The following PROSER2 variants were observed in gnomAD, a reference collection of about 807,000 sequenced individuals.
PROSER2 encodes the protein proline and serine-rich protein 2.
PROSER2 carries 18 observed loss-of-function variants against 14.6 expected under a neutral mutation model. The observed-to-expected ratio is 1.23, with a 90% CI of 0.85 to 1.83. The LOEUF is 1.83. Among genes scored for constraint, PROSER2 ranks in the 40% most tolerant of loss-of-function variants. The pLI is 0.00. For synonymous variants in PROSER2, 367 were observed against 286.4 expected (o/e 1.28, Z -2.84); for missense variants, 823 against 629.8 (o/e 1.31, Z -3.28).
At chr10:11,854,159 A>C (rs909127385) in intron 2 of PROSER2, among the ~76,000 whole-genome samples, 3 of 152,178 alleles carry the variant, frequency 2.0e-5, no homozygotes, top group Middle Eastern at 3.2e-3. Context: ...CCTTCCCCTC[A>C]GGCCTGTTAA....
At chr10:11,834,545 G>T (rs1321452760) in intron 1 of PROSER2, among the ~76,000 whole-genome samples, 1 of 151,764 alleles carries the variant, frequency 6.6e-6, no homozygotes, top group African/African-American at 2.4e-5. Flanking sequence ...GACAAGCCTG[G>T]CCAACCTGGT....
intron 1 of PROSER2, among the ~76,000 whole-genome samples, chr10:11,825,523 C>T (rs1833599462): frequency 6.6e-6 from 1 of 152,208 alleles, no homozygotes; most frequent in Non-Finnish European, 1.5e-5. Flanking sequence ...CTCCTGGCCA[C>T]CATAGGAAAG....
chr10:11,870,563 C>G lies in PROSER2; in HGVS notation c.*157C>G, dbSNP rs1042387545. 11 of 594,408 alleles carry G rather than the reference C, an allele frequency of 1.9e-5. No individual in the cohort carries two copies. The highest frequency in any genetic ancestry group is 2.7e-5 in the Non-Finnish European group (10 of 365,402). 36.8% of individuals were successfully genotyped at this position (594,408 alleles called of 1,614,324 possible). ...GAGTCTAGAGGTGCCTGGCTGGGGC[C>G]TCCTGGCTGAGCACGCACCGCAAGC... On this transcript the variant is annotated 3_prime_UTR_variant, in exon 4 of 4. Transcript: ENST00000277570.
chr10:11,868,053 A>T (rs1441488556), intron 3 of PROSER2, among the ~76,000 whole-genome samples: 1 of 152,252 alleles, frequency 6.6e-6, no homozygotes, highest in Non-Finnish European at 1.5e-5. Context: ...ACGGTTATGG[A>T]TTCCATGTAA....
chr10:11,856,324 G>A lies in PROSER2; in HGVS notation c.138+4109G>A, dbSNP rs887076063. Among the ~76,000 whole-genome samples, 1 of 152,182 alleles carries A rather than the reference G, an allele frequency of 6.6e-6. No individual in the cohort carries two copies. The highest frequency in any genetic ancestry group is 2.4e-5 in the African/African-American group (1 of 41,438). On this transcript the variant is annotated intron_variant, in intron 2 of 3. Transcript: ENST00000277570. This position sits in a 1 kb window ranked among gnomAD's most constrained non-coding sequence, Gnocchi z 5.3. ...GTCTCACAAAACCCCCTGGGTGCAC[G>A]GCGAGGGCACGGTGCTGCCTCACAC...
intron 2 of PROSER2, among the ~76,000 whole-genome samples, chr10:11,854,128 T>C (rs767085978): frequency 1.3e-5 from 2 of 152,238 alleles, no homozygotes; most frequent in African/African-American, 2.4e-5. Context: ...GTTGGAGGAA[T>C]GTTCTGGTCG....
At chr10:11,833,371 C>T (rs920954931) in intron 1 of PROSER2, among the ~76,000 whole-genome samples, 4 of 150,144 alleles carry the variant, frequency 2.7e-5, no homozygotes, top group African/African-American at 9.8e-5. Context: ...AATGAGACCC[C>T]ATCTCCAAAA....
chr10:11,845,757 C>A (rs769903242), intron 1 of PROSER2, among the ~76,000 whole-genome samples: 1 of 152,068 alleles, frequency 6.6e-6, no homozygotes, highest in Non-Finnish European at 1.5e-5. Flanking sequence ...GCCTGCCTTG[C>A]GTGCTGGGGT....
Position 11,869,319 on chromosome 10 carries a change from C to G in PROSER2, c.392-171C>G. ...TGAGGTCATGAGCATGACATACCAC[C>G]TTCTCCTTCCCTAGTCCCAGGAACA... is the stretch of plus-strand genomic sequence containing the variant. On this transcript the variant is annotated intron_variant, in intron 3 of 3. Coordinates refer to ENST00000277570, the MANE Select transcript of PROSER2 (RefSeq NM_153256.4). This position sits in a 1 kb window ranked among gnomAD's most constrained non-coding sequence, Gnocchi z 4.4. 1.6e-6 allele frequency: 1 copy of G among 621,208 alleles called. No individual in the cohort carries two copies. The highest frequency in any genetic ancestry group is 2.9e-6 in the Non-Finnish European group (1 of 345,654). 38.5% of individuals were successfully genotyped at this position (621,208 alleles called of 1,614,324 possible). A position where few individuals can be genotyped will look rare whatever the true frequency, so the allele number is the denominator to read the frequency against.
chr10:11,870,168 G>A lies in PROSER2; in HGVS notation c.1070G>A (p.Ser357Asn), dbSNP rs371990658. 1,517 of 1,476,612 alleles carry A rather than the reference G, an allele frequency of 1.0e-3. 14 individuals are homozygous for A. Among genetic ancestry groups the A allele is most frequent in the Middle Eastern group, 8.0e-3 (35 of 4,382 alleles). The allele number at this position is 1,476,612 out of a possible 1,614,324, so 91.5% of individuals were successfully genotyped here. A position where few individuals can be genotyped will look rare whatever the true frequency, so the allele number is the denominator to read the frequency against. ...CACGAGGCCCTGAAGAGCGCACCCA[G>A]CTCCTTCGCGCCCGCTGGGAAGTCC... ...SAHEALKSAP[S>N]SFAPAGKSLC... is the part of the protein sequence containing the mutation. The change falls in exon 4 of 4, where the codon AGC becomes AAC. Residue 357 changes from serine (S) to asparagine (N), a missense_variant. Ser to Asn is a conservative substitution (Grantham distance 46, BLOSUM62 1). Transcript: ENST00000277570.
rs967478757 is a variant in PROSER2 at position 11,836,231 on chromosome 10, C to A, written c.-82+12761C>A. On this transcript the variant is annotated intron_variant, in intron 1 of 3. Coordinates refer to ENST00000277570, the MANE Select transcript of PROSER2 (RefSeq NM_153256.4). This position sits in a 1 kb window ranked among gnomAD's most constrained non-coding sequence, Gnocchi z 4.6. ...TATTTTTTTGAGACAGAGTCTCACT[C>A]TGTTGGCCAGGCTGGTGTGCAGTGG... Among the ~76,000 whole-genome samples the A allele has an allele frequency of 4.6e-5, 7 of 152,110 alleles. No homozygotes were observed. Among genetic ancestry groups the A allele is most frequent in the Non-Finnish European group, 8.8e-5 (6 of 68,008 alleles).
intron 2 of PROSER2, among the ~76,000 whole-genome samples, chr10:11,864,902 C>G (rs1834316898): frequency 6.6e-6 from 1 of 152,116 alleles, no homozygotes; most frequent in Admixed American, 6.5e-5. Context: ...GATTTCTGAT[C>G]TTTTGTATGT....
At chr10:11,840,969 TA>T (rs1833837700) in intron 1 of PROSER2, among the ~76,000 whole-genome samples, 2 of 80,750 alleles carry the variant, frequency 2.5e-5, no homozygotes, top group African/African-American at 1.3e-4. Context: ...TATATATATA[TA>T]TATATATATA....
rs1203182048 is a variant in PROSER2 at position 11,838,338 on chromosome 10, G to GC, written c.-81-13657dup. ...TGAGTGCTTTGAAGGTCTGTGCATG[G>GC]CCTCATCCAGCTGATCTAACTGATG... On this transcript the variant is annotated intron_variant, in intron 1 of 3. Transcript: ENST00000277570. The surrounding 1 kb of genome is among the most constrained non-coding windows in gnomAD (Gnocchi z 4.4). Among the ~76,000 whole-genome samples, 3 of 152,158 alleles carry GC rather than the reference G, an allele frequency of 2.0e-5. No homozygotes were observed. The highest frequency in any genetic ancestry group is 2.4e-5 in the African/African-American group (1 of 41,442).
chr10:11,856,686 A>G lies in PROSER2; in HGVS notation c.138+4471A>G, dbSNP rs1363015420. Among the ~76,000 whole-genome samples the G allele has an allele frequency of 6.6e-6, 1 of 152,232 alleles. No homozygotes were observed. Among genetic ancestry groups the G allele is most frequent in the East Asian group, 1.9e-4 (1 of 5,192 alleles). ...ACAAGTGCTGTGGCCCTGAAGTCAC[A>G]CAGCGGTCTGTGACCAGGCAGCCGG... On this transcript the variant is annotated intron_variant, in intron 2 of 3. Coordinates refer to ENST00000277570, the MANE Select transcript of PROSER2 (RefSeq NM_153256.4). This position sits in a 1 kb window ranked among gnomAD's most constrained non-coding sequence, Gnocchi z 5.3.
chr10:11,856,391 G>A lies in PROSER2; in HGVS notation c.138+4176G>A, dbSNP rs966998310. ...TCACTCTGAATGAGGTCCTGAAGTC[G>A]GGTCTGCCTTCACACATCCCGAAGC... is the stretch of plus-strand genomic sequence containing the variant. On this transcript the variant is annotated intron_variant, in intron 2 of 3. Coordinates refer to ENST00000277570, the MANE Select transcript of PROSER2 (RefSeq NM_153256.4). The surrounding 1 kb of genome is among the most constrained non-coding windows in gnomAD (Gnocchi z 5.3). 1.3e-5 allele frequency among the ~76,000 whole-genome samples: 2 copies of A among 152,136 alleles called. No homozygotes were observed. Among genetic ancestry groups the A allele is most frequent in the African/African-American group, 4.8e-5 (2 of 41,434 alleles).
At position 11,838,050 on chromosome 10, in the gene PROSER2, GTGC is replaced by G. The variant is rs1195834484; in HGVS notation, c.-81-13944_-81-13942del. ...TACTGGGTCTTTCAAAGGCTCCAAG[GTGC>G]TGAAATGACCTGATAAATCATTTCT... On this transcript the variant is annotated intron_variant, in intron 1 of 3. Coordinates refer to ENST00000277570, the MANE Select transcript of PROSER2 (RefSeq NM_153256.4). This position sits in a 1 kb window ranked among gnomAD's most constrained non-coding sequence, Gnocchi z 4.4. Among the ~76,000 whole-genome samples, 1 of 151,992 alleles carries G rather than the reference GTGC, an allele frequency of 6.6e-6. No individual in the cohort carries two copies.
chr10:11,869,972 C>A lies in PROSER2; in HGVS notation c.874C>A (p.His292Asn). Residue 292 changes from histidine (H) to asparagine (N), a missense_variant, in exon 4 of 4, where the codon CAC becomes AAC. Transcript: ENST00000277570. This position sits in a 1 kb window ranked among gnomAD's most constrained non-coding sequence, Gnocchi z 4.4. ...RAQVLATIHGHAGAFPAAGDA... is the reference protein window; with the variant it reads ...RAQVLATIHGNAGAFPAAGDA... ...GCAGGTGTTGGCCACCATCCACGGCCACGCCGGCGCCTTCCCCGCCGCGGG... is the reference window on the plus strand; with the variant it reads ...GCAGGTGTTGGCCACCATCCACGGCAACGCCGGCGCCTTCCCCGCCGCGGG... The A allele has an allele frequency of 7.6e-7, 1 of 1,319,528 alleles. No individual in the cohort carries two copies. The highest frequency in any genetic ancestry group is 2.2e-5 in the South Asian group (1 of 45,258). The allele number at this position is 1,319,528 out of a possible 1,614,324, so 81.7% of individuals were successfully genotyped here.
rs894789508 is a variant in PROSER2, at chr10:11,865,505, C to T, written c.139-1026C>T. 3.9e-5 allele frequency among the ~76,000 whole-genome samples: 6 copies of T among 152,158 alleles called. No homozygotes were observed. Among genetic ancestry groups the T allele is most frequent in the Admixed American group, 1.3e-4 (2 of 15,268 alleles). On this transcript the variant is annotated intron_variant, in intron 2 of 3. Transcript: ENST00000277570. The surrounding 1 kb of genome is among the most constrained non-coding windows in gnomAD (Gnocchi z 4.2). The stretch of plus-strand genomic sequence containing the variant: ...ATGCTCGGTGGTTATTAGATATCTG[C>T]GCATACTCCAGAGTAGGACAGTAAG...
Sources: allele counts gnomAD v4.1 joint callset (sites outside exome capture counted in the v4.1 genomes callset), GRCh38; gene constraint gnomAD v4.1.1; non-coding constraint Gnocchi (gnomAD v3.1); transcripts MANE v1.5; gene names NCBI Gene and HGNC (gene_info 2026-07-23, HGNC 2026-07-21).